The following LHFPL4 variants were observed in gnomAD, a reference collection of about 807,000 sequenced individuals.
The protein encoded by LHFPL4 is LHFPL tetraspan subfamily member 4, also known as LHFPL tetraspan subfamily member 4 protein.
In LHFPL4, 6 loss-of-function variants were observed where a neutral mutation model predicts 20.0. The ratio of observed to expected loss-of-function variants is 0.30; its 90% CI spans 0.16 to 0.59. The LOEUF is 0.59. Ranked by LOEUF, LHFPL4 falls within the 20% of genes least tolerant of loss-of-function variation. The pLI, the probability that LHFPL4 is intolerant of heterozygous loss-of-function variation, is 0.88. For synonymous variants in LHFPL4, 129 were observed against 143.8 expected (o/e 0.90, Z 0.74); for missense variants, 215 against 331.2 (o/e 0.65, Z 2.72).
At chr3:9,540,759 G>T (rs1233597240) in intron 2 of LHFPL4, among the ~76,000 whole-genome samples, 1 of 151,572 alleles carries the variant, frequency 6.6e-6, no homozygotes, top group East Asian at 1.9e-4. Flanking sequence ...AAATTAATGA[G>T]GCATGGTGGT....
intron 2 of LHFPL4, among the ~76,000 whole-genome samples, chr3:9,508,843 C>G (rs561796292): frequency 3.0e-4 from 46 of 152,254 alleles, no homozygotes; most frequent in Middle Eastern, 3.4e-3. Context: ...CTTTCCCAGG[C>G]GGGTGCGCTC....
rs1341413056 is a variant in LHFPL4 at position 9,552,717 on chromosome 3, C to A, written c.-38G>T. 2 of 1,200,144 alleles carry A rather than the reference C, an allele frequency of 1.7e-6. No individual in the cohort carries two copies. Among genetic ancestry groups the A allele is most frequent in the Middle Eastern group, 3.2e-4 (1 of 3,082 alleles). 74.3% of individuals were successfully genotyped at this position (1,200,144 alleles called of 1,614,324 possible). A position where few individuals can be genotyped will look rare whatever the true frequency, so the allele number is the denominator to read the frequency against. Reference sequence around the variant, plus strand: ...CGGGGCCGGCGGCGGCGGCGGCTGGCGGGGGCCGCCGGCCCGGGACGGAGC... The same window carrying A: ...CGGGGCCGGCGGCGGCGGCGGCTGGAGGGGGCCGCCGGCCCGGGACGGAGC... On this transcript the variant is annotated 5_prime_UTR_variant, in exon 2 of 4. Transcript: ENST00000287585.
intron 2 of LHFPL4, among the ~76,000 whole-genome samples, chr3:9,509,309 C>T (rs928746931): frequency 6.6e-6 from 1 of 151,840 alleles, no homozygotes; most frequent in East Asian, 1.9e-4. Flanking sequence ...CCGCCCCTCC[C>T]GCTTTCCCCT....
At chr3:9,538,509 G>A (rs373539970) in intron 2 of LHFPL4, among the ~76,000 whole-genome samples, 10 of 152,232 alleles carry the variant, frequency 6.6e-5, no homozygotes, top group Admixed American at 2.6e-4. Flanking sequence ...AATTGCTAAC[G>A]TTTATTAAGT....
chr3:9,542,226 C>T (rs536092973), intron 2 of LHFPL4, among the ~76,000 whole-genome samples: 37 of 152,096 alleles, frequency 2.4e-4, no homozygotes, highest in African/African-American at 8.9e-4. Flanking sequence ...GTGGAGCTTA[C>T]AGTGAGCTGA....
chr3:9,504,017 C>T (rs905672262), intron 3 of LHFPL4, among the ~76,000 whole-genome samples: 1 of 152,048 alleles, frequency 6.6e-6, no homozygotes, highest in Admixed American at 6.5e-5. Flanking sequence ...CAGAGTGAGG[C>T]CCCCTCCCCC....
chr3:9,529,959 T>C (rs1474069378), intron 2 of LHFPL4, among the ~76,000 whole-genome samples: 3 of 150,666 alleles, frequency 2.0e-5, no homozygotes, highest in East Asian at 1.9e-4. Context: ...TCCTGAGCAA[T>C]AGGTCTCAAC....
In LHFPL4 at chr3:9,512,945, T is replaced by G. The variant is rs74279381; in HGVS notation, c.407-6742A>C. ...TGGACTGCCTCACTCTAGGACATTTTTTTGTTTGTTTGTTTGTTTGTTTGT... is the reference window on the plus strand; with the variant it reads ...TGGACTGCCTCACTCTAGGACATTTGTTTGTTTGTTTGTTTGTTTGTTTGT... On this transcript the variant is annotated intron_variant, in intron 2 of 3. Coordinates refer to ENST00000287585, the MANE Select transcript of LHFPL4 (RefSeq NM_198560.3). 7.5e-3 allele frequency among the ~76,000 whole-genome samples: 1,137 copies of G among 152,098 alleles called. 13 individuals carry two copies. The highest frequency in any genetic ancestry group is 0.048 in the East Asian group (247 of 5,152).
chr3:9,539,211 T>C (rs1316161405), intron 2 of LHFPL4, among the ~76,000 whole-genome samples: 1 of 152,088 alleles, frequency 6.6e-6, no homozygotes, highest in Non-Finnish European at 1.5e-5. Flanking sequence ...TCCAGCACTT[T>C]GGGAGGCTGA....
chr3:9,545,380 C>A (rs1250444609), intron 2 of LHFPL4, among the ~76,000 whole-genome samples: 2 of 152,128 alleles, frequency 1.3e-5, no homozygotes, highest in Non-Finnish European at 2.9e-5. Context: ...AAATCTGAAA[C>A]AAGACCCAGG....
At chr3:9,540,106 C>G in intron 2 of LHFPL4, among the ~76,000 whole-genome samples, 1 of 152,050 alleles carries the variant, frequency 6.6e-6, no homozygotes. Context: ...AGGGCTTTAT[C>G]CTTATACTTA....
At chr3:9,523,055 A>AAAAGAAAGAAAGAAAAGGAAGAAAG (rs2046349294) in intron 2 of LHFPL4, among the ~76,000 whole-genome samples, 2 of 122,806 alleles carry the variant, frequency 1.6e-5, no homozygotes, top group East Asian at 5.4e-4. Context: ...AAAAAAAAAA[A>AAAAGAAAGAAAGAAAAGGAAGAAAG]AAAGAAAGAA....
chr3:9,535,698 A>T (rs1402434243), intron 2 of LHFPL4, among the ~76,000 whole-genome samples: 1 of 150,502 alleles, frequency 6.6e-6, no homozygotes, highest in Admixed American at 6.6e-5. Context: ...TTCCAGAAGG[A>T]CCTGGCTAGG....
Position 9,502,224 on chromosome 3 carries a change from G to T in LHFPL4, c.731C>A (p.Ser244Ter). Residue 244 changes from serine (S) to a stop codon, truncating the protein, a stop_gained, in exon 4 of 4, where the codon TCA becomes TAA. Transcript: ENST00000287585. LOFTEE classifies it high-confidence loss of function. ...GATCCTGGCCTTTCAGGGTCCCTGT[G>T]AGTGAGCCACGGGGCAGGGAAGGAC... ...WGVLPCPVAH[S>*]QGP is the part of the protein sequence containing the mutation. The T allele has an allele frequency of 6.2e-7, 1 of 1,613,868 alleles. No homozygotes were observed. Among genetic ancestry groups the T allele is most frequent in the Non-Finnish European group, 8.5e-7 (1 of 1,179,782 alleles).
At chr3:9,514,036 G>C (rs1389903217) in intron 2 of LHFPL4, among the ~76,000 whole-genome samples, 1 of 152,160 alleles carries the variant, frequency 6.6e-6, no homozygotes. Flanking sequence ...CTACTAAGAG[G>C]CATCTGGCTA....
At chr3:9,503,963 C>T (rs1415916924) in intron 3 of LHFPL4, among the ~76,000 whole-genome samples, 1 of 152,154 alleles carries the variant, frequency 6.6e-6, no homozygotes, top group African/African-American at 2.4e-5. Context: ...GAGTTTGAGG[C>T]TGCAGTGAGC....
At chr3:9,511,651 T>A (rs912162392) in intron 2 of LHFPL4, among the ~76,000 whole-genome samples, 1 of 152,182 alleles carries the variant, frequency 6.6e-6, no homozygotes, top group Non-Finnish European at 1.5e-5. Flanking sequence ...ATCAAAACAA[T>A]GTTCTTAGAA....
At chr3:9,534,413 T>A (rs1329414699) in intron 2 of LHFPL4, among the ~76,000 whole-genome samples, 1 of 152,160 alleles carries the variant, frequency 6.6e-6, no homozygotes, top group Admixed American at 6.5e-5. Flanking sequence ...GATACCCTGC[T>A]AAGTGAAAGG....
chr3:9,521,220 TTTC>T (rs1010113235), intron 2 of LHFPL4, among the ~76,000 whole-genome samples: 34 of 141,656 alleles, frequency 2.4e-4, no homozygotes, highest in Non-Finnish European at 4.1e-4. Flanking sequence ...TCCTTTTCCT[TTTC>T]TTCTTCTTCT....
Sources: allele counts gnomAD v4.1 joint callset (sites outside exome capture counted in the v4.1 genomes callset), GRCh38; gene constraint gnomAD v4.1.1; transcripts MANE v1.5; gene names NCBI Gene and HGNC (gene_info 2026-07-23, HGNC 2026-07-21).